DYM: variants seen among roughly 807,000 people sequenced by gnomAD.
DYM encodes the protein dyggve-Melchior-Clausen syndrome protein.
In DYM, 78 loss-of-function variants were observed where a neutral mutation model predicts 93.1. The ratio of observed to expected loss-of-function variants is 0.84; its 90% CI spans 0.70 to 1.01. The LOEUF is 1.01. Ranked by LOEUF, DYM falls within the 50% of genes least tolerant of loss-of-function variation. The probability of loss-of-function intolerance (pLI) is 0.00; values close to 1 mark genes in which losing one functional copy is unlikely to be tolerated. For missense variants in DYM, 789 were observed against 845.0 expected, an observed-to-expected ratio of 0.93 and a Z score of 0.82; for synonymous variants, 321 against 319.7, an observed-to-expected ratio of 1.00 and a Z score of -0.04.
intron 2 of DYM, among the ~76,000 whole-genome samples, chr18:49,410,627 T>C (rs566113671): frequency 2.7e-5 from 4 of 149,362 alleles, no homozygotes; most frequent in South Asian, 2.1e-4. Flanking sequence ...CTGGACAACA[T>C]AGTGAGACCT....
At chr18:49,200,188 G>A (rs944655039) in intron 14 of DYM, among the ~76,000 whole-genome samples, 1 of 151,892 alleles carries the variant, frequency 6.6e-6, no homozygotes, top group Non-Finnish European at 1.5e-5. Flanking sequence ...GTAACTTAGG[G>A]GTGGTTGGGA....
intron 13 of DYM, among the ~76,000 whole-genome samples, chr18:49,240,329 A>G (rs1205058091): frequency 6.6e-6 from 1 of 152,168 alleles, no homozygotes; most frequent in African/African-American, 2.4e-5. Context: ...ATTTTTTCAT[A>G]TGTCAGTTAT....
intron 17 of DYM, among the ~76,000 whole-genome samples, chr18:49,065,447 C>G (rs949331224): frequency 6.6e-6 from 1 of 152,194 alleles, no homozygotes; most frequent in African/African-American, 2.4e-5. Flanking sequence ...ACCGCAACCT[C>G]CGCCTCCTGT....
chr18:49,186,401 C>T (rs970624388), intron 14 of DYM, among the ~76,000 whole-genome samples: 1 of 152,154 alleles, frequency 6.6e-6, no homozygotes, highest in African/African-American at 2.4e-5. Context: ...CTCCCACATC[C>T]TGTCCCATTC....
At position 49,289,727 on chromosome 18, in the gene DYM, G is replaced by GTATA. The variant is rs386387632; in HGVS notation, c.764-3115_764-3112dup. 7.6e-3 allele frequency among the ~76,000 whole-genome samples: 642 copies of GTATA among 84,716 alleles called. 5 individuals are homozygous for GTATA. The highest frequency in any genetic ancestry group is 9.1e-3 in the Non-Finnish European group (428 of 47,280). The allele number at this position is 84,716 out of a possible 152,430, so 55.6% of individuals were successfully genotyped here. On this transcript the variant is annotated intron_variant, in intron 8 of 17. Transcript: ENST00000675505. ...CCCTATCTCAAATATATATATATGT[G>GTATA]TATATATATATATATATATATATAT...
intron 15 of DYM, among the ~76,000 whole-genome samples, chr18:49,120,099 AAAAAAGAAAAG>A (rs2082251361): frequency 6.6e-6 from 1 of 151,338 alleles, no homozygotes; most frequent in African/African-American, 2.4e-5. Context: ...AAAAAAAGAA[AAAAAAGAAAAG>A]AAAAAGAAAA....
intron 13 of DYM, among the ~76,000 whole-genome samples, chr18:49,244,966 C>T (rs959524895): frequency 6.6e-6 from 1 of 152,174 alleles, no homozygotes; most frequent in Admixed American, 6.5e-5. Flanking sequence ...CTGGCTGAAG[C>T]CATAGCAGAA....
chr18:49,317,791 G>A (rs1346935224), intron 8 of DYM, among the ~76,000 whole-genome samples: 1 of 151,278 alleles, frequency 6.6e-6, no homozygotes, highest in Non-Finnish European at 1.5e-5. Flanking sequence ...AGATTTTCAA[G>A]ACTGCTCATA....
chr18:49,291,308 T>G (rs1287597949), intron 8 of DYM, among the ~76,000 whole-genome samples: 1 of 152,226 alleles, frequency 6.6e-6, no homozygotes. Context: ...AACAGTTCAG[T>G]GTGAACATCT....
Position 49,415,843 on chromosome 18 carries a change from C to T in DYM, c.140+14412G>A, listed in dbSNP as rs1044076171. ...TTGGGAGGGTGAGGCAGGAGAATCA[C>T]TTGAACCTGGGAGGCAGAGGCTGCA... On this transcript the variant is annotated intron_variant, in intron 2 of 17. Transcript: ENST00000675505. 4.6e-5 allele frequency among the ~76,000 whole-genome samples: 7 copies of T among 151,342 alleles called. No individual in the cohort carries two copies. In the East Asian group the frequency reaches 1.4e-3, roughly 29 times the overall value.
chr18:49,376,224 T>A (rs561100436), intron 5 of DYM, among the ~76,000 whole-genome samples: 33 of 152,262 alleles, frequency 2.2e-4, no homozygotes, highest in African/African-American at 7.9e-4. Context: ...AAGTAGAACA[T>A]ATGATTTCCC....
At chr18:49,136,151 G>A (rs2083826083) in intron 15 of DYM, among the ~76,000 whole-genome samples, 1 of 152,204 alleles carries the variant, frequency 6.6e-6, no homozygotes, top group South Asian at 2.1e-4. Flanking sequence ...ACTTTAGGAG[G>A]CAATCCTGTA....
chr18:49,209,704 C>T lies in DYM; in HGVS notation c.1472G>A (p.Arg491His), dbSNP rs2092690474. ...AAQRIISYTC[R>H]HLRRYVYVLD... ...CACATAAACATATCTCCGCAAGTGG[C>T]GGCAGGTATAACTGAAAGACAAAGG... The change falls in exon 14 of 18, where the codon CGC (arginine) becomes CAC (histidine). Residue 491 changes from arginine (R) to histidine (H), a missense_variant. Arg to His is a conservative substitution (Grantham distance 29). Coordinates refer to ENST00000675505, the MANE Select transcript of DYM (RefSeq NM_001353214.3). 14 of 1,276,032 alleles carry T rather than the reference C, an allele frequency of 1.1e-5. No homozygotes were observed. Among genetic ancestry groups the T allele is most frequent in the Non-Finnish European group, 1.4e-5 (14 of 981,078 alleles). The allele number at this position is 1,276,032 out of a possible 1,614,324, so 79.0% of individuals were successfully genotyped here.
intron 3 of DYM, among the ~76,000 whole-genome samples, chr18:49,388,208 T>C (rs928532609): frequency 6.6e-6 from 1 of 152,000 alleles, no homozygotes; most frequent in South Asian, 2.1e-4. Flanking sequence ...CATATGCCTG[T>C]AATCCCAGCT....
chr18:49,450,934 G>A (rs2082471814), intron 1 of DYM, among the ~76,000 whole-genome samples: 1 of 151,240 alleles, frequency 6.6e-6, no homozygotes, highest in Admixed American at 6.6e-5. Context: ...CTCAAATGCA[G>A]GTTTTTAACA....
intron 6 of DYM, among the ~76,000 whole-genome samples, chr18:49,342,960 A>G (rs1040891237): frequency 6.6e-6 from 1 of 152,222 alleles, no homozygotes; most frequent in African/African-American, 2.4e-5. Flanking sequence ...TAAGCAATGC[A>G]TAACTGTATA....
intron 15 of DYM, among the ~76,000 whole-genome samples, chr18:49,148,269 C>T (rs2085388977): frequency 1.3e-5 from 2 of 151,486 alleles, no homozygotes; most frequent in African/African-American, 4.9e-5. Flanking sequence ...GTGCAGCACA[C>T]CAACATGGCA....
intron 17 of DYM, among the ~76,000 whole-genome samples, chr18:49,080,516 C>T (rs1421262877): frequency 2.1e-5 from 3 of 145,530 alleles, no homozygotes; most frequent in Admixed American, 6.7e-5. Context: ...CAGAGGGGCT[C>T]CTCACTTCCC....
At chr18:49,179,440 C>T (rs2089707499) in intron 14 of DYM, among the ~76,000 whole-genome samples, 1 of 152,090 alleles carries the variant, frequency 6.6e-6, no homozygotes, top group Admixed American at 6.6e-5. Flanking sequence ...TAAAATGTCA[C>T]CTAATGTGAT....
Sources: allele counts gnomAD v4.1 joint callset (sites outside exome capture counted in the v4.1 genomes callset), GRCh38; gene constraint gnomAD v4.1.1; transcripts MANE v1.5; gene names NCBI Gene and HGNC (gene_info 2026-07-23, HGNC 2026-07-21).